Variants in CACHD1 observed in about 807,000 individuals in gnomAD.
The protein encoded by CACHD1 is cache domain containing 1, also known as VWFA and cache domain-containing protein 1.
Under a neutral mutation model 138.7 loss-of-function variants are expected in CACHD1, and 71 were observed. That is an observed-to-expected ratio of 0.51 (90% confidence interval 0.42 to 0.62). The LOEUF (loss-of-function observed/expected upper bound fraction) is 0.62, where lower values mean the gene tolerates loss of function less well. Among genes scored for constraint, CACHD1 ranks in the 20% least tolerant of loss-of-function variants. The pLI, the probability that CACHD1 is intolerant of heterozygous loss-of-function variation, is 0.00. For missense variants in CACHD1, 1,389 were observed against 1,625.3 expected (o/e 0.85, Z 2.50); for synonymous variants, 578 against 591.5 (o/e 0.98, Z 0.33).
At chr1:64,482,421 G>A (rs1052426688) in intron 1 of CACHD1, among the ~76,000 whole-genome samples, 2 of 152,186 alleles carry the variant, frequency 1.3e-5, no homozygotes, top group Non-Finnish European at 2.9e-5. Context: ...TTGCTTGGTG[G>A]TGCCTGAACA....
chr1:64,573,677 C>CTT (rs1646944185), intron 2 of CACHD1, among the ~76,000 whole-genome samples: 1 of 152,184 alleles, frequency 6.6e-6, no homozygotes, highest in Non-Finnish European at 1.5e-5. Context: ...ACATTAACAT[C>CTT]TTTAAGTCTC....
chr1:64,492,616 A>G (rs1646283973), intron 1 of CACHD1, among the ~76,000 whole-genome samples: 1 of 151,916 alleles, frequency 6.6e-6, no homozygotes, highest in Non-Finnish European at 1.5e-5. Context: ...AATAAGCTCC[A>G]GGTGCCCAGC....
intron 4 of CACHD1, among the ~76,000 whole-genome samples, chr1:64,627,962 G>T (rs1648168635): frequency 1.3e-5 from 2 of 152,200 alleles, no homozygotes; most frequent in Non-Finnish European, 2.9e-5. Flanking sequence ...ATTTCAGATG[G>T]TGATAGATGC....
intron 25 of CACHD1, among the ~76,000 whole-genome samples, chr1:64,681,541 G>GGTTT (rs1553146851): frequency 1.5e-4 from 10 of 68,148 alleles, no homozygotes; most frequent in African/African-American, 4.4e-4. Flanking sequence ...ATTTTATTGT[G>GGTTT]TTTTTTTTTT....
Position 64,470,546 on chromosome 1 carries a change from C to G in CACHD1, c.-199C>G, listed in dbSNP as rs1336559390. Among the ~76,000 whole-genome samples the G allele has an allele frequency of 6.6e-6, 1 of 151,704 alleles. No homozygotes were observed. Among genetic ancestry groups the G allele is most frequent in the Admixed American group, 6.6e-5 (1 of 15,230 alleles). On this transcript the variant is annotated 5_prime_UTR_variant, in exon 1 of 27. Transcript: ENST00000651257. This position sits in a 1 kb window ranked among gnomAD's most constrained non-coding sequence, Gnocchi z 5.2. ...TCCTACCCCCACCGCCGCGGAGCCC[C>G]GCGATGGTGGCCGCCCGCGCTCCCG... is the stretch of plus-strand genomic sequence containing the variant.
Position 64,634,239 on chromosome 1 carries a change from A to C in CACHD1, c.985A>C (p.Asn329His). The C allele has an allele frequency of 3.7e-6, 6 of 1,614,006 alleles. No homozygotes were observed. Among genetic ancestry groups the C allele is most frequent in the Non-Finnish European group, 4.2e-6 (5 of 1,179,974 alleles). ...KAFQLIRSTN[N>H]NTKFQANTDM... Reference sequence around the variant, plus strand: ...ATTTCAGCTGATTCGAAGTACAAACAATAACACAAAGTTCCAAGCAAGTGA... The same window carrying C: ...ATTTCAGCTGATTCGAAGTACAAACCATAACACAAAGTTCCAAGCAAGTGA... Residue 329 changes from asparagine (N) to histidine (H), a missense_variant, in exon 7 of 27, where the codon AAT becomes CAT. Asn to His is a moderately conservative substitution (Grantham distance 68). Transcript: ENST00000651257.
At chr1:64,596,704 AATG>A (rs1490118738) in intron 3 of CACHD1, among the ~76,000 whole-genome samples, 13 of 152,208 alleles carry the variant, frequency 8.5e-5, no homozygotes, top group Non-Finnish European at 1.8e-4. Flanking sequence ...TTTCAGAAGA[AATG>A]ATTTTTTTTA....
intron 1 of CACHD1, among the ~76,000 whole-genome samples, chr1:64,516,730 A>G (rs1646462287): frequency 6.6e-6 from 1 of 152,134 alleles, no homozygotes; most frequent in Non-Finnish European, 1.5e-5. Context: ...TCTTCTTATT[A>G]TTGTTCTTTC....
In CACHD1 at chr1:64,675,991, AATTAAT is replaced by A. The variant is rs2100727371; in HGVS notation, c.2975+10_2975+15del. 1.5e-6 allele frequency: 1 copy of A among 686,548 alleles called. No individual in the cohort carries two copies. The highest frequency in any genetic ancestry group is 2.0e-6 in the Non-Finnish European group (1 of 491,588). 42.5% of individuals were successfully genotyped at this position (686,548 alleles called of 1,614,324 possible). Reference sequence around the variant, plus strand: ...CACCAATGCAGAGAACCGGTAAAATAATTAATAATAATAATAATAATAATAATAATA... The same window carrying A: ...CACCAATGCAGAGAACCGGTAAAATAAATAATAATAATAATAATAATAATA... On this transcript the variant is annotated intron_variant, in intron 21 of 26. Transcript: ENST00000651257.
At chr1:64,662,854 A>G (rs936889687) in intron 13 of CACHD1, among the ~76,000 whole-genome samples, 4 of 152,214 alleles carry the variant, frequency 2.6e-5, no homozygotes, top group African/African-American at 9.6e-5. Context: ...TGCTGCCACC[A>G]TCTGAGTGAA....
chr1:64,522,658 A>G (rs1427651836), intron 1 of CACHD1, among the ~76,000 whole-genome samples: 1 of 152,166 alleles, frequency 6.6e-6, no homozygotes, highest in African/African-American at 2.4e-5. Flanking sequence ...AGGTGGTTGA[A>G]GGATACAGGG....
intron 1 of CACHD1, among the ~76,000 whole-genome samples, chr1:64,527,480 C>G (rs1235266586): frequency 6.6e-6 from 1 of 152,202 alleles, no homozygotes; most frequent in African/African-American, 2.4e-5. Flanking sequence ...TGGACACGCT[C>G]TCACGCGGTC....
chr1:64,652,616 A>G (rs780129907), intron 10 of CACHD1, among the ~76,000 whole-genome samples: 7 of 152,206 alleles, frequency 4.6e-5, no homozygotes, highest in Non-Finnish European at 1.0e-4. Context: ...AAGAAGAAAT[A>G]ATGCAGCCAA....
chr1:64,604,298 T>A (rs1647274609), intron 4 of CACHD1, among the ~76,000 whole-genome samples: 1 of 152,212 alleles, frequency 6.6e-6, no homozygotes, highest in Non-Finnish European at 1.5e-5. Flanking sequence ...GGTCAGATCA[T>A]CTGGAACCCT....
chr1:64,520,916 G>T (rs1271083464), intron 1 of CACHD1, among the ~76,000 whole-genome samples: 1 of 152,130 alleles, frequency 6.6e-6, no homozygotes, highest in Non-Finnish European at 1.5e-5. Flanking sequence ...CTAAACCTAG[G>T]TTTATCTCTA....
chr1:64,626,028 G>A (rs957566643), intron 4 of CACHD1, among the ~76,000 whole-genome samples: 21 of 152,198 alleles, frequency 1.4e-4, no homozygotes, highest in African/African-American at 4.8e-4. Flanking sequence ...TTGGCTCTGG[G>A]CATAAGTTTC....
At chr1:64,553,083 T>C (rs1646771964) in intron 2 of CACHD1, among the ~76,000 whole-genome samples, 1 of 152,254 alleles carries the variant, frequency 6.6e-6, no homozygotes, top group Non-Finnish European at 1.5e-5. Flanking sequence ...TATTATCATT[T>C]AGCCTAAATT....
intron 3 of CACHD1, among the ~76,000 whole-genome samples, chr1:64,597,254 T>G (rs1298895569): frequency 6.6e-6 from 1 of 152,178 alleles, no homozygotes; most frequent in Non-Finnish European, 1.5e-5. Flanking sequence ...TTATTTTATC[T>G]TCTACATTTG....
intron 1 of CACHD1, among the ~76,000 whole-genome samples, chr1:64,473,713 T>C (rs1467253506): frequency 6.6e-6 from 1 of 152,232 alleles, no homozygotes; most frequent in African/African-American, 2.4e-5. Context: ...ATGAGAAACA[T>C]TCTATAGGCC....
Sources: gnomAD v4.1 joint callset for allele counts (sites outside exome capture counted in the v4.1 genomes callset) on GRCh38, gnomAD v4.1.1 for gene constraint, Gnocchi (gnomAD v3.1) non-coding constraint, MANE v1.5 for transcripts, NCBI Gene and HGNC (gene_info 2026-07-23, HGNC 2026-07-21) for gene names.